MYO1E: variants seen among roughly 807,000 people sequenced by gnomAD.
The protein encoded by MYO1E is myosin IE, also known as unconventional myosin-Ie.
Under a neutral mutation model 151.1 loss-of-function variants are expected in MYO1E, and 68 were observed. The observed-to-expected ratio is 0.45, with a 90% CI of 0.37 to 0.55. The LOEUF (loss-of-function observed/expected upper bound fraction) is 0.55, where lower values mean the gene tolerates loss of function less well. Ranked by LOEUF, MYO1E falls within the 20% of genes least tolerant of loss-of-function variation. MYO1E has a pLI of 0.00. For missense variants in MYO1E, 1,363 were observed against 1,389.3 expected (o/e 0.98, Z 0.30); for synonymous variants, 601 against 501.7 (o/e 1.20, Z -2.64).
chr15:59,364,238 A>C (rs889950096), intron 1 of MYO1E, among the ~76,000 whole-genome samples: 14 of 152,196 alleles, frequency 9.2e-5, no homozygotes, highest in African/African-American at 2.2e-4. Flanking sequence ...CTGGTGTCAC[A>C]TATTTGAGTG....
At chr15:59,174,295 C>T in intron 19 of MYO1E, 55 bp from the exon 20 acceptor site, 1 of 1,253,836 alleles carries the variant, frequency 8.0e-7, no homozygotes, top group South Asian at 1.2e-5. Context: ...AATCCCTGAA[C>T]AACACTTTTC....
chr15:59,135,871 T>C lies in MYO1E; in HGVS notation c.*1509A>G, dbSNP rs2079369690. On this transcript the variant is annotated 3_prime_UTR_variant, in exon 28 of 28. Transcript: ENST00000288235. Reference sequence around the variant, plus strand: ...GTCTCTACTTACAACCATTCCATTATTGATGGGCATTACACTGATTCCAGC... The same window carrying C: ...GTCTCTACTTACAACCATTCCATTACTGATGGGCATTACACTGATTCCAGC... The C allele has an allele frequency of 6.6e-6, 1 of 152,228 alleles. No homozygotes were observed. Among genetic ancestry groups the C allele is most frequent in the East Asian group, 1.9e-4 (1 of 5,196 alleles). The allele number at this position is 152,228 out of a possible 1,614,324, so 9.4% of individuals were successfully genotyped here. A position where few individuals can be genotyped will look rare whatever the true frequency, so the allele number is the denominator to read the frequency against.
intron 1 of MYO1E, among the ~76,000 whole-genome samples, chr15:59,352,414 G>A (rs1392505237): frequency 2.0e-5 from 3 of 152,098 alleles, no homozygotes; most frequent in African/African-American, 4.8e-5. Flanking sequence ...AATCAGGTGT[G>A]GGTGGGACCT....
At chr15:59,216,463 G>C (rs1459695076) in intron 10 of MYO1E, among the ~76,000 whole-genome samples, 1 of 151,314 alleles carries the variant, frequency 6.6e-6, no homozygotes, top group African/African-American at 2.4e-5. Flanking sequence ...TTACCATTTA[G>C]AGGCTACAGT....
At chr15:59,296,556 T>A (rs1416362894) in intron 1 of MYO1E, among the ~76,000 whole-genome samples, 1 of 152,170 alleles carries the variant, frequency 6.6e-6, no homozygotes, top group Non-Finnish European at 1.5e-5. Context: ...TTAATTGCCC[T>A]TGAAACACAG....
In MYO1E at chr15:59,174,058, AACTTC is replaced by A; in HGVS notation, c.2164+63_2164+67del. 4 of 1,510,968 alleles carry A rather than the reference AACTTC, an allele frequency of 2.6e-6. No individual in the cohort carries two copies. The Middle Eastern group carries it at 6.8e-4, about 258-fold the overall frequency. The allele number at this position is 1,510,968 out of a possible 1,614,324, so 93.6% of individuals were successfully genotyped here. On this transcript the variant is annotated intron_variant, in intron 20 of 27. Transcript: ENST00000288235. ...ATATGCAAAATAAAATGGAACTTAA[AACTTC>A]ACTTAAGCTCCAATTTACTCTTCAG... is the stretch of plus-strand genomic sequence containing the variant.
rs562947916 is a variant in MYO1E, at chr15:59,186,658, G to C, written c.1904+1460C>G. ...ACTAGCTACTTGCAGACTGAGGTGG[G>C]AGAGAATGGCTTGAGCCCAGGAGTT... On this transcript the variant is annotated intron_variant, in intron 18 of 27. Transcript: ENST00000288235. Among the ~76,000 whole-genome samples, 18 of 152,304 alleles carry C rather than the reference G, an allele frequency of 1.2e-4. No homozygotes were observed. The South Asian group carries it at 3.7e-3, about 32-fold the overall frequency.
At chr15:59,241,355 A>C (rs1446140975) in intron 4 of MYO1E, among the ~76,000 whole-genome samples, 1 of 152,202 alleles carries the variant, frequency 6.6e-6, no homozygotes, top group Admixed American at 6.5e-5. Context: ...CAAAACCCCA[A>C]AACACAAAAG....
intron 1 of MYO1E, among the ~76,000 whole-genome samples, chr15:59,307,790 A>G (rs1301986275): frequency 2.0e-5 from 3 of 151,704 alleles, no homozygotes; most frequent in Non-Finnish European, 4.4e-5. Context: ...TTCTATCTTT[A>G]GTAGAGGTGG....
intron 1 of MYO1E, among the ~76,000 whole-genome samples, chr15:59,367,996 G>A (rs558802001): frequency 6.6e-5 from 10 of 152,062 alleles, no homozygotes; most frequent in Admixed American, 2.0e-4. Flanking sequence ...GGTGGGGCCT[G>A]TAATCCCAGC....
intron 14 of MYO1E, among the ~76,000 whole-genome samples, chr15:59,206,024 T>C (rs1433474075): frequency 1.3e-5 from 2 of 152,150 alleles, no homozygotes; most frequent in Non-Finnish European, 1.5e-5. Flanking sequence ...GCTGGGATGA[T>C]GGATGAGACC....
intron 11 of MYO1E, 31 bp downstream of exon 11, chr15:59,214,609 C>T: frequency 3.9e-6 from 6 of 1,546,026 alleles, no homozygotes; most frequent in Non-Finnish European, 5.4e-6. Flanking sequence ...CGTCACCCTC[C>T]TCAACCCCTA....
At chr15:59,214,543 T>A (rs1263384883) in intron 11 of MYO1E, 97 bp downstream of exon 11, 3 of 1,241,418 alleles carry the variant, frequency 2.4e-6, no homozygotes, top group Non-Finnish European at 3.6e-6. Flanking sequence ...TGGTTTGTTT[T>A]CTGTTTTTTT....
intron 1 of MYO1E, among the ~76,000 whole-genome samples, chr15:59,327,289 T>C (rs1190482261): frequency 6.6e-6 from 1 of 151,494 alleles, no homozygotes; most frequent in East Asian, 1.9e-4. Context: ...TACATCTCCA[T>C]ATACCTGCTT....
intron 1 of MYO1E, among the ~76,000 whole-genome samples, chr15:59,338,900 G>A (rs1348703339): frequency 6.6e-6 from 1 of 152,236 alleles, no homozygotes; most frequent in African/African-American, 2.4e-5. Flanking sequence ...TGGAGGCCGA[G>A]GCAGGTGGAT....
intron 26 of MYO1E, among the ~76,000 whole-genome samples, chr15:59,141,008 C>T (rs1357826312): frequency 5.3e-5 from 8 of 152,208 alleles, no homozygotes; most frequent in African/African-American, 1.9e-4. Flanking sequence ...GAAGTGCTTG[C>T]TTCTCTGAAA....
At chr15:59,331,689 T>A (rs1208875791) in intron 1 of MYO1E, among the ~76,000 whole-genome samples, 1 of 152,222 alleles carries the variant, frequency 6.6e-6, no homozygotes. Flanking sequence ...CCTTCCACCA[T>A]CTAAATTTCA....
At chr15:59,214,809 A>C (rs2079903288) in intron 10 of MYO1E, 89 bp from the exon 11 acceptor site, 8 of 963,596 alleles carry the variant, frequency 8.3e-6, no homozygotes, top group African/African-American at 1.6e-5. Context: ...TGGATTCTAC[A>C]CGGCAAACAC....
chr15:59,151,094 C>T (rs148771887), intron 26 of MYO1E, among the ~76,000 whole-genome samples: 1,840 of 151,746 alleles, frequency 0.012, 17 homozygotes, highest in Non-Finnish European at 0.018. Flanking sequence ...TACATAAGGG[C>T]GGCATCCACT....
Sources: allele counts gnomAD v4.1 joint callset (sites outside exome capture counted in the v4.1 genomes callset), GRCh38; gene constraint gnomAD v4.1.1; transcripts MANE v1.5; gene names NCBI Gene and HGNC (gene_info 2026-07-23, HGNC 2026-07-21).